FAM167A: variants seen among roughly 807,000 people sequenced by gnomAD.
The protein encoded by FAM167A is protein FAM167A.
FAM167A carries 23 observed loss-of-function variants against 14.9 expected under a neutral mutation model. The ratio of observed to expected loss-of-function variants is 1.55; its 90% CI spans 1.11 to 2.19. The LOEUF is 2.19. FAM167A is among the 30% of genes most tolerant of loss of function. FAM167A has a pLI of 0.00. For synonymous variants in FAM167A, 174 were observed against 117.7 expected (o/e 1.48, Z -3.10); for missense variants, 401 against 281.5 (o/e 1.42, Z -3.04).
chr8:11,446,059 T>G (rs922710073), intron 1 of FAM167A, among the ~76,000 whole-genome samples: 1 of 141,938 alleles, frequency 7.0e-6, no homozygotes, highest in Non-Finnish European at 1.5e-5. Context: ...GCCATAGTCA[T>G]GATTACTTGT....
At chr8:11,461,972 T>A (rs1807557677) in intron 1 of FAM167A, among the ~76,000 whole-genome samples, 1 of 152,166 alleles carries the variant, frequency 6.6e-6, no homozygotes, top group East Asian at 1.9e-4. Flanking sequence ...TTGGACGCAG[T>A]GGGGTCCCAG....
At chr8:11,466,019 C>T (rs1201989001) in intron 1 of FAM167A, among the ~76,000 whole-genome samples, 1 of 151,918 alleles carries the variant, frequency 6.6e-6, no homozygotes, top group Non-Finnish European at 1.5e-5. Flanking sequence ...AAGACACCCT[C>T]CCCCCCGCCG....
At position 11,424,493 on chromosome 8, in the gene FAM167A, A is replaced by AT; in HGVS notation, c.524dup (p.Asp175GlufsTer2). On this transcript the variant is annotated frameshift_variant, in exon 3 of 3. Coordinates refer to ENST00000284486, the MANE Select transcript of FAM167A (RefSeq NM_053279.3). LOFTEE classifies it high-confidence loss of function. ...AGTCACAGAAGAGGTCGGCCAGCTC[A>AT]TCCCGCTCCTCCAGCTCGTAGGTGG... 1 of 1,612,618 alleles carries AT rather than the reference A, an allele frequency of 6.2e-7. No homozygotes were observed. The highest frequency in any genetic ancestry group is 1.1e-5 in the South Asian group (1 of 91,038).
intron 1 of FAM167A, among the ~76,000 whole-genome samples, chr8:11,454,048 C>G (rs1446966302): frequency 3.3e-5 from 5 of 152,230 alleles, no homozygotes; most frequent in Admixed American, 1.3e-4. Context: ...TAACTGGGTT[C>G]TCCCAGAAAT....
At chr8:11,428,022 G>A (rs898815853) in intron 2 of FAM167A, among the ~76,000 whole-genome samples, 8 of 152,188 alleles carry the variant, frequency 5.3e-5, no homozygotes, top group East Asian at 1.9e-4. Context: ...TATTGTCTGC[G>A]AACACCCATT....
Position 11,424,032 on chromosome 8 carries a change from A to T in FAM167A, c.*341T>A. ...TTTGTTGGGGGGCCTCCCTTTGGGA[A>T]TCCCAGTTCATAGCACCAGTGATTC... On this transcript the variant is annotated 3_prime_UTR_variant, in exon 3 of 3. Transcript: ENST00000284486. The T allele has an allele frequency of 4.0e-6, 1 of 249,186 alleles. No homozygotes were observed. Among genetic ancestry groups the T allele is most frequent in the Non-Finnish European group, 7.8e-6 (1 of 128,256 alleles). 15.4% of individuals were successfully genotyped at this position (249,186 alleles called of 1,614,324 possible).
rs1806641407 is a variant in FAM167A, at chr8:11,444,274, G to A, written c.138C>T (p.Tyr46=). 1 of 1,611,388 alleles carries A rather than the reference G, an allele frequency of 6.2e-7. No homozygotes were observed. The highest frequency in any genetic ancestry group is 8.5e-7 in the Non-Finnish European group (1 of 1,179,538). Residue 46 remains tyrosine, a synonymous_variant, in exon 2 of 3, where the codon TAC becomes TAT. Transcript: ENST00000284486. ...KLRLETRRPS[Y]LEWQARLEEH... ...CCTCCAGCCTGGCCTGCCATTCCAG[G>A]TAGGAGGGCCTGCGGGTCTCCAGCC...
chr8:11,440,098 T>C (rs755086167), intron 2 of FAM167A, among the ~76,000 whole-genome samples: 6 of 152,168 alleles, frequency 3.9e-5, no homozygotes, highest in Non-Finnish European at 8.8e-5. Flanking sequence ...TGTGACCTTC[T>C]GGGGACCTGA....
intron 1 of FAM167A, among the ~76,000 whole-genome samples, chr8:11,452,026 C>G (rs1338296770): frequency 1.3e-5 from 2 of 152,176 alleles, no homozygotes; most frequent in African/African-American, 4.8e-5. Context: ...GAGAGCAAAC[C>G]AGTGTCATAA....
intron 1 of FAM167A, among the ~76,000 whole-genome samples, chr8:11,448,255 C>A (rs982616960): frequency 6.6e-6 from 1 of 151,500 alleles, no homozygotes; most frequent in Non-Finnish European, 1.5e-5. Context: ...CATGAACCCA[C>A]ACGAGGGGCC....
chr8:11,432,008 G>C (rs913383593), intron 2 of FAM167A, among the ~76,000 whole-genome samples: 7 of 151,778 alleles, frequency 4.6e-5, no homozygotes, highest in Non-Finnish European at 8.8e-5. Context: ...GCAAAGGCTA[G>C]TCTAACATAG....
chr8:11,437,982 A>G (rs1037049838), intron 2 of FAM167A: 2 of 331,724 alleles, frequency 6.0e-6, no homozygotes, highest in African/African-American at 4.3e-5. Context: ...CTGCATCTCT[A>G]TTATAACTTT....
At chr8:11,443,423 C>A (rs1470907168) in intron 2 of FAM167A, among the ~76,000 whole-genome samples, 6 of 152,234 alleles carry the variant, frequency 3.9e-5, no homozygotes, top group African/African-American at 1.4e-4. Context: ...CCAACTCCTC[C>A]TCTGAGCCTC....
At chr8:11,474,047 G>C (rs903011565) in intron 1 of FAM167A, among the ~76,000 whole-genome samples, 1 of 151,896 alleles carries the variant, frequency 6.6e-6, no homozygotes, top group Admixed American at 6.6e-5. Flanking sequence ...CTAATTTTTT[G>C]TATTTTTAGT....
intron 1 of FAM167A, among the ~76,000 whole-genome samples, chr8:11,450,801 G>C (rs963037012): frequency 3.3e-5 from 5 of 152,336 alleles, no homozygotes; most frequent in South Asian, 4.1e-4. Flanking sequence ...AGACACCCAG[G>C]CTTCCTGGGA....
At position 11,462,642 on chromosome 8, in the gene FAM167A, G is replaced by A. The variant is rs1188072270; in HGVS notation, c.-398+3984C>T. On this transcript the variant is annotated intron_variant, in intron 1 of 2. Coordinates refer to ENST00000284486, the MANE Select transcript of FAM167A (RefSeq NM_053279.3). ...ACGGCCTTCACCTTCTGCTTCCTTGGTAGGGTGGTGCATTTGGATCCTAAA... is the reference window on the plus strand; with the variant it reads ...ACGGCCTTCACCTTCTGCTTCCTTGATAGGGTGGTGCATTTGGATCCTAAA... Among the ~76,000 whole-genome samples, 9 of 152,178 alleles carry A rather than the reference G, an allele frequency of 5.9e-5. No individual in the cohort carries two copies. The East Asian group carries it at 1.5e-3, about 26-fold the overall frequency.
chr8:11,445,153 C>G, intron 1 of FAM167A: 20 of 985,414 alleles, frequency 2.0e-5, no homozygotes, highest in Non-Finnish European at 2.4e-5. Context: ...TCACCGAGAT[C>G]TCCCAGCAAT....
Position 11,432,096 on chromosome 8 carries a change from T to C in FAM167A, c.382-7460A>G, listed in dbSNP as rs551524724. Among the ~76,000 whole-genome samples, 79 of 152,170 alleles carry C rather than the reference T, an allele frequency of 5.2e-4. 1 individual carries two copies. The highest frequency in any genetic ancestry group is 8.5e-4 in the Non-Finnish European group (58 of 68,008). The stretch of plus-strand genomic sequence containing the variant: ...CATCCCCTGGCTGATCTGTGTTCAC[T>C]TGCTTGGTCTAAAACACTGAGTGAT... On this transcript the variant is annotated intron_variant, in intron 2 of 2. Transcript: ENST00000284486.
At chr8:11,427,010 T>C (rs1012677905) in intron 2 of FAM167A, among the ~76,000 whole-genome samples, 3 of 152,164 alleles carry the variant, frequency 2.0e-5, no homozygotes, top group African/African-American at 7.2e-5. Context: ...TGTTTTAGGG[T>C]ACAGGTCTGG....
Sources: allele counts gnomAD v4.1 joint callset (sites outside exome capture counted in the v4.1 genomes callset), GRCh38; gene constraint gnomAD v4.1.1; transcripts MANE v1.5; gene names NCBI Gene and HGNC (gene_info 2026-07-23, HGNC 2026-07-21).